The following ZNF799 variants were observed in gnomAD, a reference collection of about 807,000 sequenced individuals.
The protein encoded by ZNF799 is zinc finger protein 14.
In ZNF799, 28 loss-of-function variants were observed where a neutral mutation model predicts 41.0. The ratio of observed to expected loss-of-function variants is 0.68; its 90% CI spans 0.51 to 0.94. The LOEUF (loss-of-function observed/expected upper bound fraction) is 0.94, where lower values mean the gene tolerates loss of function less well. ZNF799 is among the 40% of genes least tolerant of loss of function. ZNF799 has a pLI of 0.00. For synonymous variants in ZNF799, 213 were observed against 252.9 expected, an observed-to-expected ratio of 0.84 and a Z score of 1.50; for missense variants, 716 against 764.3, an observed-to-expected ratio of 0.94 and a Z score of 0.74.
the ZNF799 span, among the ~76,000 whole-genome samples, chr19:12,412,574 A>G: frequency 6.6e-6 from 1 of 152,012 alleles, no homozygotes; most frequent in East Asian, 1.9e-4. Flanking sequence ...AATGTCAGCA[A>G]AAACAAGTGT....
At chr19:12,403,999 C>T (rs1489141297), upstream of ZNF799, among the ~76,000 whole-genome samples, 7 of 152,182 alleles carry the variant, frequency 4.6e-5, no homozygotes, top group Non-Finnish European at 1.5e-5. Context: ...CTTAATTTCT[C>T]CACTGACCAA....
chr19:12,402,115 G>A (rs1599610554), upstream of ZNF799, among the ~76,000 whole-genome samples: 1 of 152,242 alleles, frequency 6.6e-6, no homozygotes, highest in Admixed American at 6.5e-5. Context: ...GTCTTGCTCT[G>A]TTGCCTAGGC....
At chr19:12,392,555 C>T (rs1009502816) in intron 3 of ZNF799, 48 bp downstream of exon 3, 3 of 1,479,318 alleles carry the variant, frequency 2.0e-6, no homozygotes. Context: ...TCATATCATT[C>T]TCAGAACGGC....
upstream of ZNF799, chr19:12,401,362 C>A: frequency 1.2e-6 from 1 of 851,638 alleles, no homozygotes; most frequent in Admixed American, 3.2e-5. Flanking sequence ...CGATCTTGCA[C>A]AGCTGAGTGG....
the ZNF799 span, among the ~76,000 whole-genome samples, chr19:12,409,001 C>T: frequency 3.7e-3 from 566 of 151,868 alleles, 3 homozygotes; most frequent in African/African-American, 0.013. Flanking sequence ...CGCCATTGCA[C>T]TCCAGCCTGG....
the ZNF799 span, among the ~76,000 whole-genome samples, chr19:12,408,076 C>G: frequency 6.6e-6 from 1 of 151,986 alleles, no homozygotes; most frequent in African/African-American, 2.4e-5. Flanking sequence ...GGATCTTGAG[C>G]CCAGGAGTTT....
intron 1 of ZNF799, chr19:12,394,958 T>G (rs1969873364): frequency 8.0e-6 from 7 of 875,782 alleles, no homozygotes; most frequent in Non-Finnish European, 9.6e-6. Context: ...GTGGAGCTTT[T>G]ATTTGTCCTT....
At chr19:12,413,943 G>A in the ZNF799 span, among the ~76,000 whole-genome samples, 2 of 152,208 alleles carry the variant, frequency 1.3e-5, no homozygotes, top group African/African-American at 4.8e-5. Context: ...CGGACCCCTA[G>A]GCCGTGCACA....
At chr19:12,403,611 G>A (rs1234655427), upstream of ZNF799, among the ~76,000 whole-genome samples, 2 of 151,400 alleles carry the variant, frequency 1.3e-5, no homozygotes, top group African/African-American at 4.9e-5. Context: ...GGAGTGCAAT[G>A]GCGCAATCTC....
the ZNF799 span, among the ~76,000 whole-genome samples, chr19:12,414,787 C>A: frequency 4.6e-5 from 7 of 152,180 alleles, no homozygotes; most frequent in Non-Finnish European, 8.8e-5. Context: ...CACAAGCAAA[C>A]TCCCTTTCAG....
the ZNF799 span, among the ~76,000 whole-genome samples, chr19:12,407,061 C>T: frequency 1.3e-5 from 2 of 151,866 alleles, no homozygotes; most frequent in Admixed American, 1.3e-4. Flanking sequence ...CTAAAATTAC[C>T]CAGTCTGAGA....
At chr19:12,414,137 G>A in the ZNF799 span, among the ~76,000 whole-genome samples, 1 of 151,870 alleles carries the variant, frequency 6.6e-6, no homozygotes, top group African/African-American at 2.4e-5. Context: ...CAGCCTCCTC[G>A]CGGCAGCTCC....
upstream of ZNF799, among the ~76,000 whole-genome samples, chr19:12,405,267 G>A (rs1970021959): frequency 6.6e-6 from 1 of 151,926 alleles, no homozygotes; most frequent in Non-Finnish European, 1.5e-5. Context: ...AGAGAACCCT[G>A]ACTAATACAC....
Position 12,392,190 on chromosome 19 carries a change from T to C in ZNF799, c.208A>G (p.Arg70Gly). Residue 70 changes from arginine (R) to glycine (G), a missense_variant, in exon 4 of 4, where the codon AGA becomes GGA. Around this residue, in one of 2 missense-constraint regions of ZNF799, gnomAD observed 698 missense variants for 713.6 expected, o/e 0.98. Coordinates refer to ENST00000430385, the MANE Select transcript of ZNF799 (RefSeq NM_001080821.3). Reference sequence around the variant, plus strand: ...GTTCCATCTTTACTTTCAACAAATCTCTCTAACATACGACATCTGTAAAAA... The same window carrying C: ...GTTCCATCTTTACTTTCAACAAATCCCTCTAACATACGACATCTGTAAAAA... ...RKNLRCRMLERFVESKDGTQC... is the reference protein window; with the variant it reads ...RKNLRCRMLEGFVESKDGTQC... 1.3e-6 allele frequency: 2 copies of C among 1,575,562 alleles called. No homozygotes were observed. Among genetic ancestry groups the C allele is most frequent in the Non-Finnish European group, 1.7e-6 (2 of 1,159,478 alleles).
At chr19:12,392,996 ACTTT>A (rs1351346326) in intron 2 of ZNF799, among the ~76,000 whole-genome samples, 4 of 151,896 alleles carry the variant, frequency 2.6e-5, no homozygotes, top group African/African-American at 9.7e-5. Flanking sequence ...TCTTTTTAAC[ACTTT>A]CTGTTTCTAG....
chr19:12,398,186 G>A (rs1969928153), intron 1 of ZNF799: 3 of 152,128 alleles, frequency 2.0e-5, no homozygotes, highest in African/African-American at 7.3e-5. Flanking sequence ...TTGAACGCAG[G>A]AGGCGGAGGT....
chr19:12,405,665 G>A (rs1425679451), upstream of ZNF799, among the ~76,000 whole-genome samples: 1 of 152,172 alleles, frequency 6.6e-6, no homozygotes, highest in Admixed American at 6.5e-5. Flanking sequence ...TGTCTACAAT[G>A]AATAGGGACT....
chr19:12,407,071 A>G, the ZNF799 span, among the ~76,000 whole-genome samples: 1 of 152,224 alleles, frequency 6.6e-6, no homozygotes, highest in Admixed American at 6.5e-5. Flanking sequence ...CCAGTCTGAG[A>G]GAGGAAAAAA....
intron 1 of ZNF799, among the ~76,000 whole-genome samples, chr19:12,397,788 T>A (rs895784100): frequency 6.6e-6 from 1 of 151,960 alleles, no homozygotes; most frequent in Non-Finnish European, 1.5e-5. Context: ...TATATGAATA[T>A]ACCAATAAAA....
Sources: gnomAD v4.1 joint callset for allele counts (sites outside exome capture counted in the v4.1 genomes callset) on GRCh38, gnomAD v4.1.1 for gene constraint, gnomAD v4.1.1 regional missense constraint, MANE v1.5 for transcripts, NCBI Gene and HGNC (gene_info 2026-07-23, HGNC 2026-07-21) for gene names.